Variants in LCP1 observed in about 807,000 individuals in gnomAD.
LCP1 encodes the protein lymphocyte cytosolic protein 1, also known as plastin-2.
LCP1 carries 23 observed loss-of-function variants against 72.0 expected under a neutral mutation model. The ratio of observed to expected loss-of-function variants is 0.32; its 90% confidence interval spans 0.23 to 0.45. The LOEUF (loss-of-function observed/expected upper bound fraction) is 0.45. LCP1 is among the 20% of genes least tolerant of loss of function. The probability of loss-of-function intolerance (pLI) is 1.00; values close to 1 mark genes in which losing one functional copy is unlikely to be tolerated. For missense variants in LCP1, 571 were observed against 748.3 expected (o/e 0.76, Z 2.76); for synonymous variants, 245 against 275.4 (o/e 0.89, Z 1.09).
chr13:46,144,448 A>G lies in LCP1; in HGVS notation c.1247T>C (p.Leu416Ser). 1 of 1,612,432 alleles carries G rather than the reference A, an allele frequency of 6.2e-7. No homozygotes were observed. Among genetic ancestry groups the G allele is most frequent in the Non-Finnish European group, 8.5e-7 (1 of 1,178,446 alleles). The stretch of plus-strand genomic sequence containing the variant: ...AGTTCCCAAATATTCCTACCTGTAC[A>G]AATGATTGACTCGAGGGTTAACACC... ...SLGVNPRVNHLYSDLSDALVI... is the reference protein window; with the variant it reads ...SLGVNPRVNHSYSDLSDALVI... Residue 416 changes from leucine to serine, a missense_variant, in exon 11 of 16, where the codon TTG becomes TCG. Physicochemically the swap from Leu to Ser is moderately radical, Grantham distance 145. Transcript: ENST00000323076.
chr13:46,176,688 A>T (rs2138288033), intron 1 of LCP1, among the ~76,000 whole-genome samples: 1 of 152,338 alleles, frequency 6.6e-6, no homozygotes, highest in Admixed American at 6.5e-5. Context: ...AGAAAGTGCA[A>T]CCAGAAAAAG....
At chr13:46,146,485 C>A (rs2045731553) in intron 10 of LCP1, among the ~76,000 whole-genome samples, 1 of 152,042 alleles carries the variant, frequency 6.6e-6, no homozygotes, top group Admixed American at 6.5e-5. Flanking sequence ...CCGTAAGAAA[C>A]AAAAGAAAAC....
chr13:46,144,561 A>G, intron 10 of LCP1, 41 bp from the exon 11 acceptor site: 1 of 1,452,944 alleles, frequency 6.9e-7, no homozygotes, highest in Non-Finnish European at 9.6e-7. Flanking sequence ...GACCGAAGAA[A>G]ACATAGCTTT....
chr13:46,166,465 C>T (rs1413848160), intron 1 of LCP1, among the ~76,000 whole-genome samples: 1 of 152,180 alleles, frequency 6.6e-6, no homozygotes, highest in East Asian at 1.9e-4. Flanking sequence ...GAATGTGCCC[C>T]ACTTTTCCTG....
chr13:46,130,240 T>C (rs1253035850), intron 15 of LCP1, among the ~76,000 whole-genome samples: 4 of 152,250 alleles, frequency 2.6e-5, no homozygotes, highest in Non-Finnish European at 5.9e-5. Context: ...TTAGGCTTTG[T>C]TGCAACTATG....
chr13:46,130,714 T>C (rs1457343848), intron 15 of LCP1, 100 bp downstream of exon 15: 14 of 1,385,026 alleles, frequency 1.0e-5, no homozygotes, highest in Middle Eastern at 2.5e-4. Flanking sequence ...ATAGTGAAAA[T>C]GAAATGTTTG....
chr13:46,155,177 T>C (rs913613358), intron 5 of LCP1, among the ~76,000 whole-genome samples: 1 of 152,230 alleles, frequency 6.6e-6, no homozygotes, highest in Non-Finnish European at 1.5e-5. Context: ...TAGGAAATTC[T>C]GGGTGGATAA....
At chr13:46,151,188 C>T in intron 7 of LCP1, 110 bp from the exon 8 acceptor site, 3 of 1,040,026 alleles carry the variant, frequency 2.9e-6, no homozygotes, top group East Asian at 5.1e-5. Context: ...ACAACGTTAC[C>T]TCTTTGGGGT....
At chr13:46,133,636 T>C (rs1435887022) in intron 14 of LCP1, among the ~76,000 whole-genome samples, 1 of 149,556 alleles carries the variant, frequency 6.7e-6, no homozygotes, top group Non-Finnish European at 1.5e-5. Flanking sequence ...AAAAAACAGA[T>C]ATGAAAAGTA....
intron 1 of LCP1, chr13:46,169,801 C>T (rs1354897001): frequency 1.3e-5 from 2 of 152,290 alleles, no homozygotes; most frequent in Non-Finnish European, 2.9e-5. Context: ...CCTTAGCAAC[C>T]AAAGAGCAAA....
chr13:46,142,234 A>G (rs1179936829), intron 13 of LCP1, 58 bp downstream of exon 13: 1 of 1,559,026 alleles, frequency 6.4e-7, no homozygotes, highest in Admixed American at 1.7e-5. Flanking sequence ...AAATTTGCTA[A>G]TATTTGTCTA....
chr13:46,132,819 C>T (rs2045642244), intron 14 of LCP1, among the ~76,000 whole-genome samples: 2 of 152,098 alleles, frequency 1.3e-5, no homozygotes, highest in Non-Finnish European at 1.5e-5. Flanking sequence ...ACAGCCCTGC[C>T]CTGACAATAT....
chr13:46,181,993 CT>C (rs1467701475), intron 1 of LCP1, 117 bp downstream of exon 1: 1 of 152,214 alleles, frequency 6.6e-6, no homozygotes, highest in Non-Finnish European at 1.5e-5. Flanking sequence ...TCACAGAGGT[CT>C]CAGGTGACAT....
At chr13:46,136,042 C>A (rs546004748) in intron 13 of LCP1, among the ~76,000 whole-genome samples, 55 of 151,336 alleles carry the variant, frequency 3.6e-4, no homozygotes, top group African/African-American at 1.3e-3. Flanking sequence ...TGATTTCCTT[C>A]TTCCCTCTCT....
intron 1 of LCP1, among the ~76,000 whole-genome samples, chr13:46,174,298 A>G (rs1001643255): frequency 1.4e-5 from 2 of 148,092 alleles, no homozygotes; most frequent in African/African-American, 4.9e-5. Context: ...GGCTCTCTTT[A>G]TCTTCATTTT....
At chr13:46,151,581 G>A (rs1055928208) in intron 7 of LCP1, among the ~76,000 whole-genome samples, 1 of 152,202 alleles carries the variant, frequency 6.6e-6, no homozygotes, top group East Asian at 1.9e-4. Flanking sequence ...AGATGAGTAA[G>A]TATTTTTTTG....
At chr13:46,128,669 T>A (rs1482046122) in intron 15 of LCP1, among the ~76,000 whole-genome samples, 1 of 152,242 alleles carries the variant, frequency 6.6e-6, no homozygotes, top group African/African-American at 2.4e-5. Flanking sequence ...CTTGCCCACA[T>A]ATATTTGTAC....
At chr13:46,150,075 G>T (rs2045754750) in intron 8 of LCP1, among the ~76,000 whole-genome samples, 1 of 152,182 alleles carries the variant, frequency 6.6e-6, no homozygotes, top group Non-Finnish European at 1.5e-5. Flanking sequence ...ATAGCAGTGG[G>T]AAACTGTTAC....
rs748781073 is a variant in LCP1, at chr13:46,150,953, A to C, written c.865T>G (p.Phe289Val). ...ENAGCNKIGN[F>V]STDIKDSKAY... is the part of the protein sequence containing the mutation. Reference sequence around the variant, plus strand: ...CCTCCTACCTTGATGTCAGTACTGAAGTTGCCAATTTTGTTGCAGCCTGCA... The same window carrying C: ...CCTCCTACCTTGATGTCAGTACTGACGTTGCCAATTTTGTTGCAGCCTGCA... Residue 289 changes from phenylalanine (F) to valine (V), a missense_variant, in exon 8 of 16, where the codon TTC becomes GTC. Physicochemically the swap from Phe to Val is conservative, Grantham distance 50. Coordinates refer to ENST00000323076, the MANE Select transcript of LCP1 (RefSeq NM_002298.5). 6 of 1,613,914 alleles carry C rather than the reference A, an allele frequency of 3.7e-6. No homozygotes were observed. In the South Asian group the frequency reaches 6.6e-5, roughly 18 times the overall value.
Sources: gnomAD v4.1 joint callset for allele counts (sites outside exome capture counted in the v4.1 genomes callset) on GRCh38, gnomAD v4.1.1 for gene constraint, MANE v1.5 for transcripts, NCBI Gene and HGNC (gene_info 2026-07-23, HGNC 2026-07-21) for gene names.